The following SMARCA4 variants were observed in gnomAD, a reference collection of about 807,000 sequenced individuals.
SMARCA4 encodes SWI/SNF related BAF chromatin remodeling complex subunit ATPase 4.
Under a neutral mutation model 193.9 loss-of-function variants are expected in SMARCA4, and 31 were observed. The observed-to-expected ratio is 0.16, with a 90% CI of 0.12 to 0.22. SMARCA4 has a LOEUF of 0.22. Ranked by LOEUF, SMARCA4 falls within the 10% of genes least tolerant of loss-of-function variation. The probability of loss-of-function intolerance (pLI) is 1.00; values close to 1 mark genes in which losing one functional copy is unlikely to be tolerated. For synonymous variants in SMARCA4, 942 were observed against 933.1 expected (o/e 1.01, Z -0.17); for missense variants, 1,148 against 2,296.0 (o/e 0.50, Z 10.22).
chr19:11,048,211 CT>C (rs1338278021), intron 30 of SMARCA4, among the ~76,000 whole-genome samples: 1 of 152,010 alleles, frequency 6.6e-6, no homozygotes, highest in East Asian at 1.9e-4. Flanking sequence ...AAAAAAACTT[CT>C]TTTTGTTTAA....
At chr19:10,966,739 T>A (rs2084251179) in intron 1 of SMARCA4, among the ~76,000 whole-genome samples, 1 of 151,896 alleles carries the variant, frequency 6.6e-6, no homozygotes, top group Non-Finnish European at 1.5e-5. Context: ...ACAAAAGAAA[T>A]TAGCTGGGCA....
At chr19:11,039,712 G>A (rs769133622) in intron 29 of SMARCA4, 15 of 404,488 alleles carry the variant, frequency 3.7e-5, no homozygotes, top group Non-Finnish European at 6.1e-5. Flanking sequence ...TACTCAGGAG[G>A]CTAAGATGGG....
chr19:11,040,324 T>A (rs1302538130), intron 29 of SMARCA4: 1 of 152,030 alleles, frequency 6.6e-6, no homozygotes, highest in Non-Finnish European at 1.5e-5. Context: ...CCGGGTGTGG[T>A]GGCTCACACC....
At chr19:11,013,822 G>A (rs2089092494) in intron 16 of SMARCA4, among the ~76,000 whole-genome samples, 1 of 152,116 alleles carries the variant, frequency 6.6e-6, no homozygotes, top group Non-Finnish European at 1.5e-5. Flanking sequence ...CATGGCCCAG[G>A]TCCTTGGGCA....
Position 11,031,041 on chromosome 19 carries a change from A to AG in SMARCA4, c.3546+150dup, listed in dbSNP as rs2074894976. 1.1e-5 allele frequency: 8 copies of AG among 738,034 alleles called. No homozygotes were observed. The highest frequency in any genetic ancestry group is 1.6e-5 in the Non-Finnish European group (7 of 424,344). 45.7% of individuals were successfully genotyped at this position (738,034 alleles called of 1,614,324 possible). ...GGAGGAGCTGCACCCATATCTCCAT[A>AG]GGTCATCAGGGAGAAAAGAGGCGGG... On this transcript the variant is annotated intron_variant, in intron 25 of 34. Coordinates refer to ENST00000344626, the MANE Select transcript of SMARCA4 (RefSeq NM_003072.5). This position sits in a 1 kb window ranked among gnomAD's most constrained non-coding sequence, Gnocchi z 4.3.
At chr19:11,024,872 C>G (rs1223388201) in intron 21 of SMARCA4, among the ~76,000 whole-genome samples, 1 of 152,136 alleles carries the variant, frequency 6.6e-6, no homozygotes, top group Non-Finnish European at 1.5e-5. Flanking sequence ...GATTCTGCCC[C>G]CAAGGCCTTG....
chr19:10,974,540 G>A (rs1304207128), intron 1 of SMARCA4, among the ~76,000 whole-genome samples: 2 of 147,978 alleles, frequency 1.4e-5, no homozygotes, highest in Admixed American at 6.8e-5. Flanking sequence ...AATAAAAAGC[G>A]CCAGACATCT....
Position 10,988,471 on chromosome 19 carries a change from A to G in SMARCA4, c.1118+547A>G, listed in dbSNP as rs750413714. ...GGATTAAAACCTGCCTGTAGCTTCA[A>G]TTATCTGCCCAATAAGCTTTGCCTT... On this transcript the variant is annotated intron_variant, in intron 6 of 34. Transcript: ENST00000344626. Among the ~76,000 whole-genome samples, 50 of 152,076 alleles carry G rather than the reference A, an allele frequency of 3.3e-4. 1 individual carries two copies. The highest frequency in any genetic ancestry group is 1.3e-4 in the Admixed American group (2 of 15,256).
intron 25 of SMARCA4, chr19:11,032,312 C>G (rs572476367): frequency 6.6e-6 from 1 of 152,340 alleles, no homozygotes; most frequent in Non-Finnish European, 1.5e-5. Context: ...CCTGCAGCTC[C>G]TGGGCCCAGA....
rs950655035 is a variant in SMARCA4 at position 11,007,855 on chromosome 19, C to G, written c.2002-47C>G. 18 of 1,610,516 alleles carry G rather than the reference C, an allele frequency of 1.1e-5. No individual in the cohort carries two copies. The East Asian group carries it at 2.2e-4, about 20-fold the overall frequency. On this transcript the variant is annotated intron_variant, in intron 13 of 34. Transcript: ENST00000344626. ...TTCTCCCCATGGGAGTCCCGTCCCC[C>G]CTCTCTGGGGGATGAACTGAGGTGA...
In SMARCA4 at chr19:11,034,873, C is replaced by T; in HGVS notation, c.3952-41C>T. ...TCTGGCTCTAGCGTGCCCCTGGTGC[C>T]TGCATGCTGATGCCTCTCCCGTTGC... On this transcript the variant is annotated intron_variant, in intron 28 of 34. Coordinates refer to ENST00000344626, the MANE Select transcript of SMARCA4 (RefSeq NM_003072.5). This position sits in a 1 kb window ranked among gnomAD's most constrained non-coding sequence, Gnocchi z 7.0. 1 of 1,385,914 alleles carries T rather than the reference C, an allele frequency of 7.2e-7. No homozygotes were observed. Among genetic ancestry groups the T allele is most frequent in the Non-Finnish European group, 1.0e-6 (1 of 1,002,592 alleles). 85.9% of individuals were successfully genotyped at this position (1,385,914 alleles called of 1,614,324 possible).
intron 30 of SMARCA4, among the ~76,000 whole-genome samples, chr19:11,051,880 G>A (rs1435644519): frequency 6.6e-6 from 1 of 151,994 alleles, no homozygotes; most frequent in East Asian, 2.0e-4. Flanking sequence ...GGTGGATCAC[G>A]AGGTCAGGAG....
chr19:11,061,204 A>AAATATATATATAT (rs1555797070), intron 34 of SMARCA4, among the ~76,000 whole-genome samples: 5 of 45,218 alleles, frequency 1.1e-4, no homozygotes, highest in Non-Finnish European at 1.5e-4. Context: ...AAAAAAAAAA[A>AAATATATATATAT]ATATATATAT....
chr19:10,967,063 A>C (rs940586135), intron 1 of SMARCA4, among the ~76,000 whole-genome samples: 1 of 152,186 alleles, frequency 6.6e-6, no homozygotes, highest in African/African-American at 2.4e-5. Flanking sequence ...TAGTATGCCC[A>C]GTGATTTCTT....
At chr19:10,975,059 T>C (rs966968105) in intron 1 of SMARCA4, among the ~76,000 whole-genome samples, 2 of 139,132 alleles carry the variant, frequency 1.4e-5, no homozygotes, top group African/African-American at 5.5e-5. Context: ...TCTCTGTCGC[T>C]CAGGATGGAG....
intron 1 of SMARCA4, among the ~76,000 whole-genome samples, chr19:10,979,399 C>T (rs1405449992): frequency 2.4e-4 from 36 of 151,550 alleles, no homozygotes; most frequent in Admixed American, 2.3e-3. Flanking sequence ...ACATGGTGAC[C>T]CTGTGTGATT....
chr19:10,998,074 G>T (rs953684711), intron 11 of SMARCA4, among the ~76,000 whole-genome samples: 1 of 151,880 alleles, frequency 6.6e-6, no homozygotes, highest in African/African-American at 2.4e-5. Flanking sequence ...TTTTTTTGCA[G>T]AGATGGGGTC....
intron 7 of SMARCA4, among the ~76,000 whole-genome samples, chr19:10,990,236 C>T (rs1174351317): frequency 2.6e-5 from 4 of 152,156 alleles, no homozygotes; most frequent in African/African-American, 9.7e-5. Context: ...CCACTGTGGC[C>T]TCTGCCTCTG....
intron 11 of SMARCA4, among the ~76,000 whole-genome samples, chr19:11,000,228 A>C (rs1210900997): frequency 8.2e-6 from 1 of 121,350 alleles, no homozygotes; most frequent in Non-Finnish European, 1.8e-5. Context: ...ATTCTGTCTC[A>C]AAAAAAAAAA....
Sources: gnomAD v4.1 joint callset for allele counts (sites outside exome capture counted in the v4.1 genomes callset) on GRCh38, gnomAD v4.1.1 for gene constraint, Gnocchi (gnomAD v3.1) non-coding constraint, MANE v1.5 for transcripts, NCBI Gene and HGNC (gene_info 2026-07-23, HGNC 2026-07-21) for gene names.